SCD5: variants seen among roughly 807,000 people sequenced by gnomAD.
The protein encoded by SCD5 is acyl-CoA-desaturase 4.
SCD5 carries 20 observed loss-of-function variants against 30.4 expected under a neutral mutation model. The observed-to-expected ratio is 0.66, with a 90% confidence interval of 0.46 to 0.96. The LOEUF (loss-of-function observed/expected upper bound fraction) is 0.96, where lower values mean the gene tolerates loss of function less well. Among genes scored for constraint, SCD5 ranks in the 40% least tolerant of loss-of-function variants. The pLI is 0.00. For missense variants in SCD5, 381 were observed against 443.3 expected, an observed-to-expected ratio of 0.86 and a Z score of 1.26; for synonymous variants, 173 against 176.4, an observed-to-expected ratio of 0.98 and a Z score of 0.16.
chr4:82,663,397 AAGGAAGGTTGGGGAC>A (rs1728062747), intron 3 of SCD5, among the ~76,000 whole-genome samples: 2 of 152,188 alleles, frequency 1.3e-5, no homozygotes, highest in South Asian at 4.1e-4. Flanking sequence ...GGGTGCTCAC[AAGGAAGGTTGGGGAC>A]AGGGTAGAGT....
At chr4:82,689,985 C>G (rs1728796650) in intron 2 of SCD5, among the ~76,000 whole-genome samples, 1 of 152,016 alleles carries the variant, frequency 6.6e-6, no homozygotes, top group South Asian at 2.1e-4. Context: ...CAGTACATTT[C>G]AAAAATATTG....
intron 2 of SCD5, among the ~76,000 whole-genome samples, chr4:82,696,286 A>G (rs550720631): frequency 6.6e-6 from 1 of 152,360 alleles, no homozygotes; most frequent in South Asian, 2.1e-4. Context: ...TTGGAGCGTG[A>G]TAAGGCATTG....
chr4:82,797,995 C>T (rs1404718548), intron 1 of SCD5, among the ~76,000 whole-genome samples: 1 of 142,230 alleles, frequency 7.0e-6, no homozygotes, highest in African/African-American at 2.5e-5. Flanking sequence ...CTGCGCACAG[C>T]GGTGGCACCG....
At chr4:82,763,856 GC>G (rs950899493) in intron 1 of SCD5, among the ~76,000 whole-genome samples, 2 of 152,100 alleles carry the variant, frequency 1.3e-5, no homozygotes, top group African/African-American at 2.4e-5. Flanking sequence ...TTCCTCAGCT[GC>G]CCCCAGCAGC....
intron 1 of SCD5, among the ~76,000 whole-genome samples, chr4:82,708,239 T>C (rs557791990): frequency 6.6e-6 from 1 of 152,298 alleles, no homozygotes; most frequent in African/African-American, 2.4e-5. Flanking sequence ...ACAGTATGAG[T>C]TATAGCTCAA....
Position 82,714,513 on chromosome 4 carries a change from G to A in SCD5, c.233-9100C>T, listed in dbSNP as rs545082136. Reference sequence around the variant, plus strand: ...ACCTGAAGCATGAGCTCATGAAGGAGGGACTGCTGCTAGCAAGGCATGGAG... The same window carrying A: ...ACCTGAAGCATGAGCTCATGAAGGAAGGACTGCTGCTAGCAAGGCATGGAG... On this transcript the variant is annotated intron_variant, in intron 1 of 4. Transcript: ENST00000319540. 2.6e-4 allele frequency among the ~76,000 whole-genome samples: 39 copies of A among 152,242 alleles called. 1 individual carries two copies. In the East Asian group the frequency reaches 6.2e-3, roughly 24 times the overall value.
intron 1 of SCD5, chr4:82,753,232 C>A: frequency 2.3e-6 from 1 of 433,238 alleles, no homozygotes; most frequent in Non-Finnish European, 4.8e-6. Flanking sequence ...GGAGCTTTTA[C>A]AGCCACCCAA....
chr4:82,706,244 A>G (rs1719966537), intron 1 of SCD5, among the ~76,000 whole-genome samples: 1 of 152,200 alleles, frequency 6.6e-6, no homozygotes. Flanking sequence ...TAAAATCTAG[A>G]ATGGAAAAAT....
At position 82,743,769 on chromosome 4, in the gene SCD5, C is replaced by T. The variant is rs77472187; in HGVS notation, c.233-38356G>A. 9.1e-3 allele frequency among the ~76,000 whole-genome samples: 1,390 copies of T among 151,990 alleles called. 23 individuals are homozygous for T. The highest frequency in any genetic ancestry group is 0.024 in the Admixed American group (360 of 15,278). ...ACTCCTAGCCTCAAGCAATCCCCCC[C>T]GCCTTGGTCTCCCAAAGTGCTGAGA... On this transcript the variant is annotated intron_variant, in intron 1 of 4. Transcript: ENST00000319540.
chr4:82,773,480 G>T (rs1403243091), intron 1 of SCD5, among the ~76,000 whole-genome samples: 1 of 152,128 alleles, frequency 6.6e-6, no homozygotes, highest in Non-Finnish European at 1.5e-5. Flanking sequence ...TGGAGGGGAG[G>T]ATGAGATTGG....
chr4:82,631,227 C>T lies in SCD5; in HGVS notation c.*100G>A. The stretch of plus-strand genomic sequence containing the variant: ...CCACATTGACTCGTTCCTTCCCCAC[C>T]CTCTGCCCCCTCCCACGATCCAATG... On this transcript the variant is annotated 3_prime_UTR_variant, in exon 5 of 5. Coordinates refer to ENST00000319540, the MANE Select transcript of SCD5 (RefSeq NM_001037582.3). The T allele has an allele frequency of 1.0e-6, 1 of 966,384 alleles. No individual in the cohort carries two copies. The highest frequency in any genetic ancestry group is 1.5e-6 in the Non-Finnish European group (1 of 670,532). The allele number at this position is 966,384 out of a possible 1,614,324, so 59.9% of individuals were successfully genotyped here.
chr4:82,693,978 G>A (rs1434270030), intron 2 of SCD5, among the ~76,000 whole-genome samples: 1 of 152,228 alleles, frequency 6.6e-6, no homozygotes, highest in African/African-American at 2.4e-5. Flanking sequence ...AGGGCAGGGT[G>A]CGTGGCACCC....
chr4:82,638,661 C>T (rs1727480855), intron 3 of SCD5, among the ~76,000 whole-genome samples: 1 of 152,178 alleles, frequency 6.6e-6, no homozygotes, highest in African/African-American at 2.4e-5. Context: ...AGAAGCCACA[C>T]AGCTCAGCAA....
intron 1 of SCD5, among the ~76,000 whole-genome samples, chr4:82,781,423 A>AG (rs942483677): frequency 4.6e-5 from 7 of 152,100 alleles, no homozygotes; most frequent in African/African-American, 1.7e-4. Context: ...CTCAAAAAAA[A>AG]AAAGAAAGAA....
At position 82,762,963 on chromosome 4, in the gene SCD5, G is replaced by A. The variant is rs141354950; in HGVS notation, c.232+35343C>T. On this transcript the variant is annotated intron_variant, in intron 1 of 4. Transcript: ENST00000319540. ...CTGAGCGGTGGAGCACAGCCCCATC[G>A]CCTTCCTGGTCCCCCTCTGTAGGGC... is the stretch of plus-strand genomic sequence containing the variant. Among the ~76,000 whole-genome samples the A allele has an allele frequency of 5.3e-3, 811 of 152,116 alleles. 6 individuals are homozygous for A. Among genetic ancestry groups the A allele is most frequent in the African/African-American group, 0.019 (776 of 41,486 alleles).
intron 3 of SCD5, among the ~76,000 whole-genome samples, chr4:82,675,192 T>C (rs1728410489): frequency 6.6e-6 from 1 of 152,158 alleles, no homozygotes; most frequent in Non-Finnish European, 1.5e-5. Context: ...TAAGGAATGC[T>C]GATAATGGGA....
chr4:82,684,190 T>C (rs1378301467), intron 2 of SCD5, among the ~76,000 whole-genome samples: 1 of 152,190 alleles, frequency 6.6e-6, no homozygotes, highest in Non-Finnish European at 1.5e-5. Flanking sequence ...ACTGCAATAG[T>C]GGAATGAAGC....
At chr4:82,746,012 A>G (rs954744525) in intron 1 of SCD5, among the ~76,000 whole-genome samples, 5 of 152,248 alleles carry the variant, frequency 3.3e-5, no homozygotes, top group African/African-American at 7.2e-5. Context: ...TAAAAATTAA[A>G]TGACTTAATA....
At chr4:82,675,021 A>G (rs1418672708) in intron 3 of SCD5, among the ~76,000 whole-genome samples, 2 of 152,114 alleles carry the variant, frequency 1.3e-5, no homozygotes, top group Non-Finnish European at 2.9e-5. Context: ...CAGTGAAAAT[A>G]CTCTGTAAGA....
Sources: gnomAD v4.1 joint callset for allele counts (sites outside exome capture counted in the v4.1 genomes callset) on GRCh38, gnomAD v4.1.1 for gene constraint, MANE v1.5 for transcripts, NCBI Gene and HGNC (gene_info 2026-07-23, HGNC 2026-07-21) for gene names.